ERCC6L2: variants seen among roughly 807,000 people sequenced by gnomAD.
The protein encoded by ERCC6L2 is ERCC excision repair 6 like 2, also known as DNA excision repair protein ERCC-6-like 2.
In ERCC6L2, 77 loss-of-function variants were observed where a neutral mutation model predicts 132.0. The observed-to-expected ratio is 0.58, with a 90% CI of 0.49 to 0.71. The LOEUF (loss-of-function observed/expected upper bound fraction) is 0.71. ERCC6L2 is among the 30% of genes least tolerant of loss of function. The pLI is 0.00. For missense variants in ERCC6L2, 1,542 were observed against 1,837.6 expected (o/e 0.84, Z 2.94); for synonymous variants, 583 against 632.4 (o/e 0.92, Z 1.17).
Position 95,915,649 on chromosome 9 carries a change from C to T in ERCC6L2, c.789-19C>T. 6.3e-7 allele frequency: 1 copy of T among 1,589,226 alleles called. No individual in the cohort carries two copies. The highest frequency in any genetic ancestry group is 1.2e-5 in the South Asian group (1 of 86,484). ...AGGAAGTTTTCTCAACCTCACCCTT[C>T]TTTTTTCTTACTTTATAGTTTGGAA... On this transcript the variant is annotated intron_variant, in intron 4 of 18. Transcript: ENST00000653738.
chr9:95,906,900 A>G (rs921728725), intron 3 of ERCC6L2, among the ~76,000 whole-genome samples, 178 bp from the exon 4 acceptor site: 1 of 152,182 alleles, frequency 6.6e-6, no homozygotes, highest in African/African-American at 2.4e-5. Context: ...TTAAACAGCA[A>G]ATTATTTTTT....
intron 3 of ERCC6L2, among the ~76,000 whole-genome samples, chr9:95,898,595 A>G (rs956502860): frequency 3.2e-4 from 48 of 152,274 alleles, no homozygotes; most frequent in African/African-American, 1.2e-3. Context: ...AAAGATTTCT[A>G]ATAAAGCAAT....
chr9:95,956,994 G>T (rs572382169), intron 13 of ERCC6L2, among the ~76,000 whole-genome samples: 3 of 152,170 alleles, frequency 2.0e-5, no homozygotes, highest in African/African-American at 7.2e-5. Flanking sequence ...GATGAAACTG[G>T]GACCCCAGAG....
chr9:95,956,107 T>G (rs1317951258), intron 13 of ERCC6L2, 94 bp downstream of exon 13: 1 of 600,834 alleles, frequency 1.7e-6, no homozygotes, highest in Non-Finnish European at 2.8e-6. Context: ...GTTTTAAATC[T>G]TACTGTATTG....
intron 3 of ERCC6L2, among the ~76,000 whole-genome samples, chr9:95,902,048 A>G (rs1280197066): frequency 2.6e-5 from 4 of 152,206 alleles, no homozygotes; most frequent in Non-Finnish European, 1.5e-5. Context: ...AAAGCCCTTT[A>G]ATGAACTGAA....
rs879843596 is a variant in ERCC6L2 at position 95,880,811 on chromosome 9, A to G, written c.47-58A>G. The G allele has an allele frequency of 9.9e-5, 146 of 1,470,000 alleles. 1 individual carries two copies. The Admixed American group carries it at 3.1e-3, about 31-fold the overall frequency. The allele number at this position is 1,470,000 out of a possible 1,614,324, so 91.1% of individuals were successfully genotyped here. A position where few individuals can be genotyped will look rare whatever the true frequency, so the allele number is the denominator to read the frequency against. On this transcript the variant is annotated intron_variant, in intron 1 of 18. Transcript: ENST00000653738. ...TATATTGTTTCTCACAGCTGTGAAT[A>G]AATGAGGTGTTACTTTATAAGCTAG...
At chr9:95,993,878 T>C (rs1407963122) in intron 17 of ERCC6L2, among the ~76,000 whole-genome samples, 1 of 152,228 alleles carries the variant, frequency 6.6e-6, no homozygotes, top group Non-Finnish European at 1.5e-5. Flanking sequence ...ATGCTGTTGT[T>C]TTTTTCAGAT....
chr9:95,952,401 C>T (rs201735355), intron 12 of ERCC6L2, among the ~76,000 whole-genome samples: 1 of 151,990 alleles, frequency 6.6e-6, no homozygotes, highest in East Asian at 1.9e-4. Context: ...AAGGATGATA[C>T]ACAGAGTAGG....
rs768274744 is a variant in ERCC6L2, at chr9:95,978,119, A to G, written c.3396A>G (p.Lys1132=). ...HSNQNVIGSS[K]AENHMSRWAA... is the part of the protein sequence containing the mutation. ...ACCAGAATGTAATTGGATCGAGCAA[A>G]GCTGAAAATCACATGAGCCGATGGG... The change falls in exon 17 of 19, where the codon AAA becomes AAG. Residue 1132 remains lysine, a synonymous_variant. Transcript: ENST00000653738. 11 of 1,367,508 alleles carry G rather than the reference A, an allele frequency of 8.0e-6. No homozygotes were observed. In the Admixed American group the frequency reaches 9.5e-5, roughly 12 times the overall value. The allele number at this position is 1,367,508 out of a possible 1,614,324, so 84.7% of individuals were successfully genotyped here.
downstream of ERCC6L2, among the ~76,000 whole-genome samples, chr9:96,018,897 G>A (rs2672813): frequency 0.48 from 72,320 of 152,002 alleles, 17,566 homozygotes; most frequent in East Asian, 0.58. Flanking sequence ...TTGGTTTTTT[G>A]CTGCTCTGTC....
chr9:96,022,137 C>A (rs978641008), downstream of ERCC6L2, among the ~76,000 whole-genome samples: 1 of 152,258 alleles, frequency 6.6e-6, no homozygotes, highest in Non-Finnish European at 1.5e-5. Context: ...TTTCCTGGAT[C>A]CCCCTGCCAA....
intron 17 of ERCC6L2, among the ~76,000 whole-genome samples, chr9:95,980,910 TA>T (rs1260411684): frequency 6.6e-6 from 1 of 152,194 alleles, no homozygotes; most frequent in Non-Finnish European, 1.5e-5. Flanking sequence ...GGGCTCAATC[TA>T]GAATCTTTTC....
intron 13 of ERCC6L2, among the ~76,000 whole-genome samples, chr9:95,956,588 A>C (rs1223839283): frequency 6.6e-6 from 1 of 152,116 alleles, no homozygotes; most frequent in Non-Finnish European, 1.5e-5. Context: ...ATGGCGGGGG[A>C]GGCCTCAGGA....
chr9:96,010,902 GAATA>G (rs1282492474), intron 18 of ERCC6L2, among the ~76,000 whole-genome samples: 1 of 152,190 alleles, frequency 6.6e-6, no homozygotes, highest in Non-Finnish European at 1.5e-5. Context: ...TTTGTTAAGT[GAATA>G]AATAAATGAA....
chr9:95,951,380 A>G (rs1247888277), intron 12 of ERCC6L2, among the ~76,000 whole-genome samples: 1 of 152,180 alleles, frequency 6.6e-6, no homozygotes, highest in African/African-American at 2.4e-5. Flanking sequence ...ATCAACAATT[A>G]ACTTTCCACC....
At chr9:96,030,667 A>C (rs947436873) in intron 19 of ERCC6L2, among the ~76,000 whole-genome samples, 3 of 140,654 alleles carry the variant, frequency 2.1e-5, no homozygotes, top group African/African-American at 8.1e-5. Flanking sequence ...GCGCCACTGC[A>C]CTCCAGCCTG....
chr9:95,972,420 G>T lies in ERCC6L2; in HGVS notation c.2669G>T (p.Cys890Phe). Residue 890 changes from cysteine (C) to phenylalanine (F), a missense_variant, in exon 16 of 19, where the codon TGC (cysteine) becomes TTC (phenylalanine). By Grantham distance (205) the Cys-to-Phe change is radical (BLOSUM62 -2). Around this residue, in one of 4 missense-constraint regions of ERCC6L2, gnomAD observed 945 missense variants for 1,105.2 expected, o/e 0.86. Transcript: ENST00000653738. Reference protein sequence around the residue: ...EKKIKNTDKHCILQNVTESED... With the variant: ...EKKIKNTDKHFILQNVTESED... ...AAAATTAAAAATACAGATAAACATT[G>T]CATTTTACAGAATGTCACAGAATCA... is the stretch of plus-strand genomic sequence containing the variant. The T allele has an allele frequency of 2.3e-6, 3 of 1,278,648 alleles. No individual in the cohort carries two copies. In the South Asian group the frequency reaches 3.9e-5, roughly 16 times the overall value. 79.2% of individuals were successfully genotyped at this position (1,278,648 alleles called of 1,614,324 possible).
At chr9:95,914,508 C>T (rs151253071) in intron 4 of ERCC6L2, among the ~76,000 whole-genome samples, 17 of 152,184 alleles carry the variant, frequency 1.1e-4, no homozygotes, top group East Asian at 9.7e-4. Context: ...CACACGCCAC[C>T]GCGCCCAGCT....
intron 13 of ERCC6L2, among the ~76,000 whole-genome samples, chr9:95,966,243 A>T (rs540179737): frequency 1.5e-4 from 23 of 152,348 alleles, no homozygotes; most frequent in African/African-American, 5.3e-4. Context: ...TTTTAAAAGG[A>T]GAAAAGTATA....
Sources: gnomAD v4.1 joint callset for allele counts (sites outside exome capture counted in the v4.1 genomes callset) on GRCh38, gnomAD v4.1.1 for gene constraint, gnomAD v4.1.1 regional missense constraint, MANE v1.5 for transcripts, NCBI Gene and HGNC (gene_info 2026-07-23, HGNC 2026-07-21) for gene names.